DNAAF9: variants seen among roughly 807,000 people sequenced by gnomAD.
DNAAF9 encodes shulin.
A neutral mutation model predicts 167.0 loss-of-function variants in DNAAF9; 90 were observed. The observed-to-expected ratio is 0.54, with a 90% CI of 0.45 to 0.64. DNAAF9 has a LOEUF of 0.64. Ranked by LOEUF, DNAAF9 falls within the 30% of genes least tolerant of loss-of-function variation. The pLI is 0.00. For synonymous variants in DNAAF9, 491 were observed against 508.8 expected, an observed-to-expected ratio of 0.96 and a Z score of 0.47; for missense variants, 1,315 against 1,442.2, an observed-to-expected ratio of 0.91 and a Z score of 1.43.
At chr20:3,379,631 T>G (rs2083620608) in intron 3 of DNAAF9, among the ~76,000 whole-genome samples, 1 of 152,138 alleles carries the variant, frequency 6.6e-6, no homozygotes, top group South Asian at 2.1e-4. Flanking sequence ...AGTAAATTCA[T>G]GTTGGCCTTT....
At chr20:3,351,719 C>T (rs1336212864) in intron 7 of DNAAF9, among the ~76,000 whole-genome samples, 2 of 152,102 alleles carry the variant, frequency 1.3e-5, no homozygotes, top group African/African-American at 2.4e-5. Context: ...ATAGAATTCA[C>T]GATAGTGTTA....
chr20:3,348,911 T>C (rs1482929259), intron 7 of DNAAF9, among the ~76,000 whole-genome samples: 1 of 152,102 alleles, frequency 6.6e-6, no homozygotes, highest in East Asian at 1.9e-4. Context: ...AGTGGTTGCC[T>C]GGGGTTGGGA....
At chr20:3,291,553 C>T (rs1485669090) in intron 25 of DNAAF9, among the ~76,000 whole-genome samples, 1 of 151,932 alleles carries the variant, frequency 6.6e-6, no homozygotes, top group Non-Finnish European at 1.5e-5. Context: ...CCATGTTGGC[C>T]AGGATGGTCT....
chr20:3,372,771 G>A (rs2083527409), intron 6 of DNAAF9, among the ~76,000 whole-genome samples: 2 of 151,800 alleles, frequency 1.3e-5, no homozygotes, highest in African/African-American at 4.9e-5. Context: ...CTCTTGAACG[G>A]GGATGTACCT....
chr20:3,348,997 G>A (rs112109095), intron 7 of DNAAF9, among the ~76,000 whole-genome samples: 3,816 of 151,988 alleles, frequency 0.025, 69 homozygotes, highest in African/African-American at 0.039. Context: ...ACTAAAAATC[G>A]TTGAGTTGTA....
chr20:3,319,093 AAAAAAAAAAAAG>A (rs1490152661), intron 16 of DNAAF9, among the ~76,000 whole-genome samples: 7 of 122,836 alleles, frequency 5.7e-5, no homozygotes, highest in Middle Eastern at 5.1e-3. Context: ...AAAAAAAAAA[AAAAAAAAAAAAG>A]AAAAAAAAAT....
chr20:3,328,408 C>T (rs1031918250), intron 12 of DNAAF9, among the ~76,000 whole-genome samples: 2 of 152,120 alleles, frequency 1.3e-5, no homozygotes, highest in African/African-American at 4.8e-5. Flanking sequence ...TTTCGAACTC[C>T]TGACCTTGTG....
chr20:3,316,887 GTTCT>G, intron 17 of DNAAF9, 94 bp from the exon 18 acceptor site: 17 of 456,444 alleles, frequency 3.7e-5, no homozygotes, highest in South Asian at 9.3e-5. Flanking sequence ...AGGAGCTAGG[GTTCT>G]TTTTTTTTTT....
At chr20:3,269,485 G>T (rs1375313764) in intron 30 of DNAAF9, among the ~76,000 whole-genome samples, 1 of 152,034 alleles carries the variant, frequency 6.6e-6, no homozygotes, top group African/African-American at 2.4e-5. Flanking sequence ...TACAGGTTGA[G>T]CCATCACATC....
chr20:3,376,495 G>A lies in DNAAF9; in HGVS notation c.284-193C>T, dbSNP rs145787547. Among the ~76,000 whole-genome samples the A allele has an allele frequency of 3.1e-3, 470 of 152,312 alleles. 4 individuals carry two copies. The highest frequency in any genetic ancestry group is 0.01 in the African/African-American group (435 of 41,564). On this transcript the variant is annotated intron_variant, in intron 3 of 36. Transcript: ENST00000252032. ...TCTGAGACAAGTCTCAATCAATTTT[G>A]AAGTTTATTTTGCCAAGTTTAAGGA...
At chr20:3,374,974 T>C (rs889343494) in intron 5 of DNAAF9, 56 bp downstream of exon 5, 3 of 920,216 alleles carry the variant, frequency 3.3e-6, no homozygotes, top group East Asian at 4.9e-5. Context: ...AGTAGTGACG[T>C]TCAATTCACA....
At position 3,253,788 on chromosome 20, in the gene DNAAF9, C is replaced by T. The variant is rs1208790574; in HGVS notation, c.3359G>A (p.Gly1120Asp). Residue 1120 changes from glycine to aspartate, a missense_variant, in exon 36 of 37, where the codon GGC becomes GAC. By Grantham distance (94) the Gly-to-Asp change is moderately conservative. Around this residue, in one of 2 missense-constraint regions of DNAAF9, gnomAD observed 334 missense variants for 429.7 expected, o/e 0.78. Transcript: ENST00000252032. ...AAATTGGGTGCCATTATAAAAGTAGCCTGCAGGTAGGGGTTCCAAGTGGCG... is the reference window on the plus strand; with the variant it reads ...AAATTGGGTGCCATTATAAAAGTAGTCTGCAGGTAGGGGTTCCAAGTGGCG... The part of the protein sequence containing the change: ...VKRHLEPLPA[G>D]YFYNGTQFVN... 1.2e-6 allele frequency: 2 copies of T among 1,612,308 alleles called. No individual in the cohort carries two copies. The highest frequency in any genetic ancestry group is 2.7e-5 in the African/African-American group (2 of 74,894).
intron 23 of DNAAF9, chr20:3,296,407 TTGTTTC>T: frequency 3.1e-6 from 1 of 325,366 alleles, no homozygotes; most frequent in South Asian, 2.7e-5. Flanking sequence ...AGAAAGGGTC[TTGTTTC>T]ATCACTCAGG....
In DNAAF9 at chr20:3,252,339, C is replaced by T; in HGVS notation, c.*233G>A. On this transcript the variant is annotated 3_prime_UTR_variant, in exon 37 of 37. Coordinates refer to ENST00000252032, the MANE Select transcript of DNAAF9 (RefSeq NM_001009984.3). Reference sequence around the variant, plus strand: ...CAGTTGCACACGTAGACGGGCAGGCCCCATCTGCTCATCCTTGAGTATTCC... The same window carrying T: ...CAGTTGCACACGTAGACGGGCAGGCTCCATCTGCTCATCCTTGAGTATTCC... The T allele has an allele frequency of 4.7e-6, 2 of 423,144 alleles. No homozygotes were observed. Among genetic ancestry groups the T allele is most frequent in the Non-Finnish European group, 8.6e-6 (2 of 231,692 alleles). The allele number at this position is 423,144 out of a possible 1,614,324, so 26.2% of individuals were successfully genotyped here. A position where few individuals can be genotyped will look rare whatever the true frequency, so the allele number is the denominator to read the frequency against.
intron 1 of DNAAF9, among the ~76,000 whole-genome samples, chr20:3,389,846 G>A (rs946666418): frequency 3.3e-5 from 5 of 152,140 alleles, no homozygotes; most frequent in Admixed American, 1.3e-4. Context: ...AACCAGCCTG[G>A]CCAACGTGGC....
rs2422868 is a variant in DNAAF9 at position 3,315,992 on chromosome 20, T to C, written c.1540-207A>G. On this transcript the variant is annotated intron_variant, in intron 18 of 36. Transcript: ENST00000252032. The surrounding 1 kb of genome is among the most constrained non-coding windows in gnomAD (Gnocchi z 4.1). ...CCAAGGCCTTGGTGGGCTCTCTCAC[T>C]AGGACCTGAGGTCCAGCTAATGAGC... 42 of 598,476 alleles carry C rather than the reference T, an allele frequency of 7.0e-5. No homozygotes were observed. The South Asian group carries it at 7.6e-4, about 11-fold the overall frequency. The allele number at this position is 598,476 out of a possible 1,614,324, so 37.1% of individuals were successfully genotyped here.
chr20:3,396,918 A>ACCT (rs1231413138), intron 1 of DNAAF9, among the ~76,000 whole-genome samples: 12 of 152,344 alleles, frequency 7.9e-5, no homozygotes, highest in Middle Eastern at 6.8e-3. Flanking sequence ...AACAGACTGA[A>ACCT]GGGCGATAAA....
At chr20:3,392,355 CTTAT>C (rs1215792765) in intron 1 of DNAAF9, among the ~76,000 whole-genome samples, 2 of 152,140 alleles carry the variant, frequency 1.3e-5, no homozygotes, top group African/African-American at 4.8e-5. Flanking sequence ...CATATTATAA[CTTAT>C]TTCTTATTTT....
intron 10 of DNAAF9, among the ~76,000 whole-genome samples, chr20:3,338,923 G>A (rs2070023068): frequency 6.6e-6 from 1 of 151,782 alleles, no homozygotes; most frequent in African/African-American, 2.4e-5. Flanking sequence ...TGAAGTGCTG[G>A]GATTACAGGT....
Sources: gnomAD v4.1 joint callset for allele counts (sites outside exome capture counted in the v4.1 genomes callset) on GRCh38, gnomAD v4.1.1 for gene constraint, gnomAD v4.1.1 regional missense constraint, Gnocchi (gnomAD v3.1) non-coding constraint, MANE v1.5 for transcripts, NCBI Gene and HGNC (gene_info 2026-07-23, HGNC 2026-07-21) for gene names.